Variants in DNMT1 observed in about 807,000 individuals in gnomAD.
DNMT1 encodes DNA methyltransferase 1.
DNMT1 carries 24 observed loss-of-function variants against 205.3 expected under a neutral mutation model. The ratio of observed to expected loss-of-function variants is 0.12; its 90% CI spans 0.08 to 0.16. DNMT1 has a LOEUF of 0.16. Ranked by LOEUF, DNMT1 falls within the 10% of genes least tolerant of loss-of-function variation. The pLI, the probability that DNMT1 is intolerant of heterozygous loss-of-function variation, is 1.00. For synonymous variants in DNMT1, 817 were observed against 839.8 expected, an observed-to-expected ratio of 0.97 and a Z score of 0.47; for missense variants, 1,293 against 2,177.7, an observed-to-expected ratio of 0.59 and a Z score of 8.09.
At chr19:10,143,724 AAG>A in intron 29 of DNMT1, 40 bp downstream of exon 29, 1 of 1,609,170 alleles carries the variant, frequency 6.2e-7, no homozygotes, top group Non-Finnish European at 8.5e-7. Context: ...AGCCTTCTAG[AAG>A]AGTCTGTGGC....
At position 10,137,570 on chromosome 19, in the gene DNMT1, C is replaced by T. The variant is rs747711994; in HGVS notation, c.4293+262G>A. 22 of 642,178 alleles carry T rather than the reference C, an allele frequency of 3.4e-5. No individual in the cohort carries two copies. Among genetic ancestry groups the T allele is most frequent in the Non-Finnish European group, 4.8e-5 (18 of 371,220 alleles). The allele number at this position is 642,178 out of a possible 1,614,324, so 39.8% of individuals were successfully genotyped here. On this transcript the variant is annotated intron_variant, in intron 36 of 40. Coordinates refer to ENST00000359526, the MANE Select transcript of DNMT1 (RefSeq NM_001130823.3). The surrounding 1 kb of genome is among the most constrained non-coding windows in gnomAD (Gnocchi z 6.4). Reference sequence around the variant, plus strand: ...GGTCTTGGCATCCTGGGAAAACATGCGGGGAGAGGCAGCAAGGGGGAAGGC... The same window carrying T: ...GGTCTTGGCATCCTGGGAAAACATGTGGGGAGAGGCAGCAAGGGGGAAGGC...
rs565766035 is a variant in DNMT1 at position 10,144,134 on chromosome 19, G to T, written c.2895-147C>A. 3.5e-5 allele frequency: 30 copies of T among 864,644 alleles called. No individual in the cohort carries two copies. In the South Asian group the frequency reaches 3.6e-4, roughly 10 times the overall value. The allele number at this position is 864,644 out of a possible 1,614,324, so 53.6% of individuals were successfully genotyped here. A position where few individuals can be genotyped will look rare whatever the true frequency, so the allele number is the denominator to read the frequency against. ...TACCCTAAGAAATGATTTAGGCTGGGCATTGTGGCTCACGCCTGTAATCCC... is the reference window on the plus strand; with the variant it reads ...TACCCTAAGAAATGATTTAGGCTGGTCATTGTGGCTCACGCCTGTAATCCC... On this transcript the variant is annotated intron_variant, in intron 28 of 40. Coordinates refer to ENST00000359526, the MANE Select transcript of DNMT1 (RefSeq NM_001130823.3).
At chr19:10,155,151 C>A in intron 19 of DNMT1, 95 bp from the exon 20 acceptor site, 1 of 1,531,418 alleles carries the variant, frequency 6.5e-7, no homozygotes, top group Non-Finnish European at 8.9e-7. Flanking sequence ...ACTCACCCAA[C>A]AGTCTAAAAG....
chr19:10,135,726 C>A lies in DNMT1; in HGVS notation c.4773+10G>T. ...TCCTGTCCAGACCCAGCGGGCGCCG[C>A]CCCACTGACCTGCCGGTGCTTGTCC... On this transcript the variant is annotated intron_variant, in intron 39 of 40. Coordinates refer to ENST00000359526, the MANE Select transcript of DNMT1 (RefSeq NM_001130823.3). 2.5e-6 allele frequency: 4 copies of A among 1,605,782 alleles called. No homozygotes were observed. Among genetic ancestry groups the A allele is most frequent in the Non-Finnish European group, 3.4e-6 (4 of 1,178,046 alleles).
intron 11 of DNMT1, among the ~76,000 whole-genome samples, chr19:10,166,221 A>C (rs754952416): frequency 1.6e-4 from 25 of 152,252 alleles, no homozygotes; most frequent in Middle Eastern, 3.4e-3. Flanking sequence ...CTAGACTCAG[A>C]ACGTAGGAGG....
Position 10,140,963 on chromosome 19 carries a change from T to G in DNMT1, c.3395-54A>C. Reference sequence around the variant, plus strand: ...CGATCCTCAGAGTCCAAGTCCACCTTGCTCTCAAGCGCCTTGTTAACTCAG... The same window carrying G: ...CGATCCTCAGAGTCCAAGTCCACCTGGCTCTCAAGCGCCTTGTTAACTCAG... On this transcript the variant is annotated intron_variant, in intron 31 of 40. Transcript: ENST00000359526. The surrounding 1 kb of genome is among the most constrained non-coding windows in gnomAD (Gnocchi z 8.4). 1.2e-6 allele frequency: 2 copies of G among 1,613,756 alleles called. No homozygotes were observed. Among genetic ancestry groups the G allele is most frequent in the Non-Finnish European group, 1.7e-6 (2 of 1,180,034 alleles).
In DNMT1 at chr19:10,146,441, C is replaced by G; in HGVS notation, c.2804G>C (p.Ser935Thr). Reference sequence around the variant, plus strand: ...GGTGGCTGAGTAGTAGAGGACCCGGCTATCCAGGTCCTCGAGCTGCTCCAG... The same window carrying G: ...GGTGGCTGAGTAGTAGAGGACCCGGGTATCCAGGTCCTCGAGCTGCTCCAG... The part of the protein sequence containing the change: ...RVLEQLEDLD[S>T]RVLYYSATKN... Residue 935 changes from serine to threonine, a missense_variant, in exon 28 of 41, where the codon AGC becomes ACC. Physicochemically the swap from Ser to Thr is moderately conservative, Grantham distance 58 (BLOSUM62 1). Coordinates refer to ENST00000359526, the MANE Select transcript of DNMT1 (RefSeq NM_001130823.3). This position sits in a 1 kb window ranked among gnomAD's most constrained non-coding sequence, Gnocchi z 4.4. 6.2e-7 allele frequency: 1 copy of G among 1,614,158 alleles called. No homozygotes were observed. Among genetic ancestry groups the G allele is most frequent in the Non-Finnish European group, 8.5e-7 (1 of 1,180,034 alleles).
chr19:10,137,625 T>C lies in DNMT1; in HGVS notation c.4293+207A>G. 2 of 755,554 alleles carry C rather than the reference T, an allele frequency of 2.6e-6. No homozygotes were observed. The highest frequency in any genetic ancestry group is 4.3e-6 in the Non-Finnish European group (2 of 460,422). 46.8% of individuals were successfully genotyped at this position (755,554 alleles called of 1,614,324 possible). A position where few individuals can be genotyped will look rare whatever the true frequency, so the allele number is the denominator to read the frequency against. On this transcript the variant is annotated intron_variant, in intron 36 of 40. Coordinates refer to ENST00000359526, the MANE Select transcript of DNMT1 (RefSeq NM_001130823.3). The surrounding 1 kb of genome is among the most constrained non-coding windows in gnomAD (Gnocchi z 6.4). Reference sequence around the variant, plus strand: ...GTGGGTGGGCAGTGGCTTGACACCATTCCAGACCAAGTCCAGGACTGCGGG... The same window carrying C: ...GTGGGTGGGCAGTGGCTTGACACCACTCCAGACCAAGTCCAGGACTGCGGG...
chr19:10,192,073 C>T lies in DNMT1; in HGVS notation c.80+2747G>A, dbSNP rs189902401. Reference sequence around the variant, plus strand: ...TCCTGACCTCAGGTGATCTGCCCATCTCAGCCTCCCAAAGTGCTGGGATTA... The same window carrying T: ...TCCTGACCTCAGGTGATCTGCCCATTTCAGCCTCCCAAAGTGCTGGGATTA... On this transcript the variant is annotated intron_variant, in intron 1 of 40. Transcript: ENST00000359526. 3.3e-5 allele frequency among the ~76,000 whole-genome samples: 5 copies of T among 152,218 alleles called. No homozygotes were observed. In the East Asian group the frequency reaches 9.7e-4, roughly 29 times the overall value.
intron 9 of DNMT1, among the ~76,000 whole-genome samples, chr19:10,170,498 G>C (rs1267932212): frequency 6.6e-6 from 1 of 152,048 alleles, no homozygotes; most frequent in South Asian, 2.1e-4. Flanking sequence ...AAGTTAATTA[G>C]CTGGGCGTGG....
chr19:10,142,704 G>A, intron 29 of DNMT1: 1 of 172,580 alleles, frequency 5.8e-6, no homozygotes, highest in Non-Finnish European at 1.3e-5. Flanking sequence ...GGAGTCATAG[G>A]GTAAAGACCC....
chr19:10,162,640 A>AT, intron 13 of DNMT1, 27 bp downstream of exon 13: 1 of 1,463,364 alleles, frequency 6.8e-7, no homozygotes, highest in Non-Finnish European at 9.2e-7. Flanking sequence ...AAAAAAAAAA[A>AT]GAAAGAAAGA....
At position 10,154,328 on chromosome 19, in the gene DNMT1, TCTC is replaced by T. The variant is rs761301884; in HGVS notation, c.1981_1983del (p.Glu661del). The T allele has an allele frequency of 1.9e-6, 3 of 1,614,216 alleles. No homozygotes were observed. The highest frequency in any genetic ancestry group is 2.5e-6 in the Non-Finnish European group (3 of 1,180,030). ...CCACATCGCCGGCGCTTAAAGGCGTTCTCCTTGTCTTCTCTGTCATCCTTTTCA... is the reference window on the plus strand; with the variant it reads ...CCACATCGCCGGCGCTTAAAGGCGTTCTTGTCTTCTCTGTCATCCTTTTCA... On this transcript the variant is annotated inframe_deletion, in exon 22 of 41. Transcript: ENST00000359526. This position sits in a 1 kb window ranked among gnomAD's most constrained non-coding sequence, Gnocchi z 6.3.
intron 5 of DNMT1, chr19:10,179,944 C>T (rs1278864640): frequency 1.8e-5 from 3 of 165,086 alleles, no homozygotes; most frequent in Non-Finnish European, 3.7e-5. Flanking sequence ...GAGCCGAGAT[C>T]GCGCCATTGC....
intron 10 of DNMT1, among the ~76,000 whole-genome samples, chr19:10,167,710 C>T (rs980789784): frequency 7.2e-5 from 11 of 152,308 alleles, no homozygotes; most frequent in African/African-American, 2.2e-4. Flanking sequence ...AGGCCTCTGG[C>T]CTTGGAGCCA....
chr19:10,194,856 A>T lies in DNMT1; in HGVS notation c.44T>A (p.Val15Asp). 1 of 1,611,044 alleles carries T rather than the reference A, an allele frequency of 6.2e-7. No homozygotes were observed. Among genetic ancestry groups the T allele is most frequent in the Non-Finnish European group, 8.5e-7 (1 of 1,178,974 alleles). The change falls in exon 1 of 41, where the codon GTC (valine) becomes GAC (aspartate). Residue 15 changes from valine to aspartate, a missense_variant. By Grantham distance (152) the Val-to-Asp change is radical (BLOSUM62 -3). Coordinates refer to ENST00000359526, the MANE Select transcript of DNMT1 (RefSeq NM_001130823.3). ...TAPARVPTLA[V>D]PAISLPDDVR... Reference sequence around the variant, plus strand: ...ATCGTCGGGCAGCGAGATGGCCGGGACGGCCAGTGTGGGCACCCGGGCTGG... The same window carrying T: ...ATCGTCGGGCAGCGAGATGGCCGGGTCGGCCAGTGTGGGCACCCGGGCTGG...
rs577250701 is a variant in DNMT1 at position 10,149,168 on chromosome 19, A to G, written c.2587-151T>C. The G allele has an allele frequency of 1.7e-5, 20 of 1,193,092 alleles. No individual in the cohort carries two copies. In the East Asian group the frequency reaches 2.8e-4, roughly 17 times the overall value. The allele number at this position is 1,193,092 out of a possible 1,614,324, so 73.9% of individuals were successfully genotyped here. A position where few individuals can be genotyped will look rare whatever the true frequency, so the allele number is the denominator to read the frequency against. On this transcript the variant is annotated intron_variant, in intron 26 of 40. Transcript: ENST00000359526. Reference sequence around the variant, plus strand: ...GTGAAACCCCGTCTCTACTAAAAATACAAAAAATTAGCTGGACGTGATGGT... The same window carrying G: ...GTGAAACCCCGTCTCTACTAAAAATGCAAAAAATTAGCTGGACGTGATGGT...
At position 10,156,897 on chromosome 19, in the gene DNMT1, C is replaced by T. The variant is rs1277978550; in HGVS notation, c.1281-388G>A. 6.6e-6 allele frequency among the ~76,000 whole-genome samples: 1 copy of T among 151,996 alleles called. No individual in the cohort carries two copies. The highest frequency in any genetic ancestry group is 1.5e-5 in the Non-Finnish European group (1 of 68,010). ...CCTCCCAAAGTGCTGGGATTACAGG[C>T]TGAACCACCATGCCTGGCCCCGACA... On this transcript the variant is annotated intron_variant, in intron 17 of 40. Transcript: ENST00000359526. The surrounding 1 kb of genome is among the most constrained non-coding windows in gnomAD (Gnocchi z 4.2).
In DNMT1 at chr19:10,138,683, C is replaced by A; in HGVS notation, c.3949-78G>T. 2 of 1,535,582 alleles carry A rather than the reference C, an allele frequency of 1.3e-6. No homozygotes were observed. Among genetic ancestry groups the A allele is most frequent in the South Asian group, 1.2e-5 (1 of 85,356 alleles). ...GACTGGCCAGACCCAGGCCCAGGGT[C>A]AGCAGCCTGAGTCGGGAGTGGCTGG... On this transcript the variant is annotated intron_variant, in intron 34 of 40. Coordinates refer to ENST00000359526, the MANE Select transcript of DNMT1 (RefSeq NM_001130823.3). The surrounding 1 kb of genome is among the most constrained non-coding windows in gnomAD (Gnocchi z 4.1).
Sources: allele counts gnomAD v4.1 joint callset (sites outside exome capture counted in the v4.1 genomes callset), GRCh38; gene constraint gnomAD v4.1.1; non-coding constraint Gnocchi (gnomAD v3.1); transcripts MANE v1.5; gene names NCBI Gene and HGNC (gene_info 2026-07-23, HGNC 2026-07-21).